The following DPYD variants were observed in gnomAD, a reference collection of about 807,000 sequenced individuals.
The protein encoded by DPYD is dihydropyrimidine dehydrogenase.
Under a neutral mutation model 116.2 loss-of-function variants are expected in DPYD, and 109 were observed. That is an observed-to-expected ratio of 0.94 (90% CI 0.80 to 1.10). The LOEUF (loss-of-function observed/expected upper bound fraction) is 1.10, where lower values mean the gene tolerates loss of function less well. Ranked by LOEUF, DPYD falls within the 50% of genes least tolerant of loss-of-function variation. DPYD has a pLI of 0.00. For missense variants in DPYD, 1,302 were observed against 1,254.5 expected (o/e 1.04, Z -0.57); for synonymous variants, 440 against 432.0 (o/e 1.02, Z -0.23).
intron 1 of DPYD, among the ~76,000 whole-genome samples, chr1:97,885,298 G>C (rs1672426289): frequency 6.6e-6 from 1 of 151,708 alleles, no homozygotes; most frequent in Non-Finnish European, 1.5e-5. Context: ...CACAATAAAT[G>C]AACAGATAAA....
At chr1:97,559,120 T>C (rs1651949387) in intron 11 of DPYD, among the ~76,000 whole-genome samples, 1 of 152,124 alleles carries the variant, frequency 6.6e-6, no homozygotes, top group Non-Finnish European at 1.5e-5. Flanking sequence ...TTGATAATTA[T>C]GAGATAGTGA....
intron 20 of DPYD, among the ~76,000 whole-genome samples, chr1:97,132,045 T>A (rs1354665455): frequency 6.6e-6 from 1 of 152,074 alleles, no homozygotes; most frequent in Non-Finnish European, 1.5e-5. Context: ...AACTAAAAAT[T>A]TGAAGAATAT....
chr1:97,419,526 A>G (rs1674466987), intron 14 of DPYD, among the ~76,000 whole-genome samples: 1 of 152,200 alleles, frequency 6.6e-6, no homozygotes, highest in Non-Finnish European at 1.5e-5. Flanking sequence ...ATTAAAAACA[A>G]TTTTTGTTAA....
intron 21 of DPYD, among the ~76,000 whole-genome samples, chr1:97,089,827 G>GTTTTTTTTTTTTTTT (rs112112819): frequency 7.9e-6 from 1 of 126,610 alleles, no homozygotes; most frequent in Non-Finnish European, 1.7e-5. Context: ...CATTTTGTTT[G>GTTTTTTTTTTTTTTT]TTTTTTTTTT....
intron 5 of DPYD, among the ~76,000 whole-genome samples, chr1:97,703,568 G>A (rs1453024542): frequency 1.3e-5 from 2 of 151,644 alleles, no homozygotes; most frequent in South Asian, 2.1e-4. Context: ...TGTCCAAGAC[G>A]GAATCCACTA....
intron 13 of DPYD, among the ~76,000 whole-genome samples, chr1:97,513,929 C>A (rs1648005574): frequency 6.6e-6 from 1 of 151,728 alleles, no homozygotes; most frequent in Non-Finnish European, 1.5e-5. Flanking sequence ...TTACATAAGC[C>A]CAAGGTGGCT....
At chr1:97,740,562 T>C (rs1018328541) in intron 3 of DPYD, 83 bp from the exon 4 acceptor site, 3 of 1,149,026 alleles carry the variant, frequency 2.6e-6, no homozygotes, top group Non-Finnish European at 3.9e-6. Flanking sequence ...TCAGAGTCCG[T>C]GTCTAGTAAG....
intron 10 of DPYD, among the ~76,000 whole-genome samples, chr1:97,592,822 T>A (rs1216011649): frequency 1.3e-5 from 2 of 152,226 alleles, no homozygotes; most frequent in African/African-American, 2.4e-5. Context: ...TAGAATGCAG[T>A]CTGTAAATTG....
At chr1:97,229,220 G>GA (rs1333834545) in intron 19 of DPYD, among the ~76,000 whole-genome samples, 2,360 of 82,164 alleles carry the variant, frequency 0.029, 13 homozygotes, top group African/African-American at 0.043. Flanking sequence ...AAAAAAAAAA[G>GA]AAAAAAAAAA....
At chr1:97,209,678 G>T (rs1659907115) in intron 19 of DPYD, among the ~76,000 whole-genome samples, 1 of 152,028 alleles carries the variant, frequency 6.6e-6, no homozygotes, top group Non-Finnish European at 1.5e-5. Context: ...GATTGATTTA[G>T]GAAGATGATA....
rs1409314559 is a variant in DPYD, at chr1:97,455,761, AATAAACTTT to A, written c.1741-5547_1741-5539del. On this transcript the variant is annotated intron_variant, in intron 13 of 22. Coordinates refer to ENST00000370192, the MANE Select transcript of DPYD (RefSeq NM_000110.4). ...ATATTAATATTTGATTCCTCCACAA[AATAAACTTT>A]ATAATGGTCAGAATACTCTCTACTT... is the stretch of plus-strand genomic sequence containing the variant. Among the ~76,000 whole-genome samples the A allele has an allele frequency of 2.0e-5, 3 of 151,882 alleles. No homozygotes were observed. In the East Asian group the frequency reaches 5.8e-4, roughly 29 times the overall value.
intron 8 of DPYD, among the ~76,000 whole-genome samples, chr1:97,650,795 G>GA (rs1378821030): frequency 1.3e-5 from 2 of 151,602 alleles, no homozygotes; most frequent in South Asian, 2.1e-4. Flanking sequence ...CTTGTTCCTT[G>GA]AAAAAAATTT....
At chr1:97,828,642 A>G (rs1209781908) in intron 2 of DPYD, among the ~76,000 whole-genome samples, 1 of 152,082 alleles carries the variant, frequency 6.6e-6, no homozygotes, top group African/African-American at 2.4e-5. Flanking sequence ...GCTAGCATTG[A>G]CTAAGATGAA....
chr1:97,360,696 G>A (rs968217057), intron 16 of DPYD, among the ~76,000 whole-genome samples: 2 of 152,206 alleles, frequency 1.3e-5, no homozygotes, highest in African/African-American at 4.8e-5. Flanking sequence ...ACATGCTCCT[G>A]AACGACTACT....
chr1:97,381,407 T>G (rs548655882), intron 15 of DPYD, among the ~76,000 whole-genome samples: 1 of 152,318 alleles, frequency 6.6e-6, no homozygotes, highest in African/African-American at 2.4e-5. Context: ...CCATTCATCA[T>G]AGTCAGCTTA....
chr1:97,638,461 T>A (rs927445160), intron 8 of DPYD, among the ~76,000 whole-genome samples: 2 of 152,126 alleles, frequency 1.3e-5, no homozygotes, highest in Admixed American at 1.3e-4. Flanking sequence ...TACCAACTCT[T>A]TATTATTGAT....
chr1:97,164,583 G>C (rs1656175774), intron 20 of DPYD, among the ~76,000 whole-genome samples: 1 of 151,980 alleles, frequency 6.6e-6, no homozygotes. Context: ...GCAAAGTTTT[G>C]GAATACAAAA....
At chr1:97,687,114 T>TA (rs1447863758) in intron 7 of DPYD, among the ~76,000 whole-genome samples, 3 of 151,736 alleles carry the variant, frequency 2.0e-5, no homozygotes, top group Admixed American at 6.6e-5. Flanking sequence ...GTAACACAAA[T>TA]AAAAAAATTA....
At chr1:97,494,159 G>A (rs927156700) in intron 13 of DPYD, among the ~76,000 whole-genome samples, 13 of 152,066 alleles carry the variant, frequency 8.5e-5, no homozygotes, top group Non-Finnish European at 5.9e-5. Flanking sequence ...AAATGGACCT[G>A]GTATACAGAT....
Sources: allele counts gnomAD v4.1 joint callset (sites outside exome capture counted in the v4.1 genomes callset), GRCh38; gene constraint gnomAD v4.1.1; transcripts MANE v1.5; gene names NCBI Gene and HGNC (gene_info 2026-07-23, HGNC 2026-07-21).